Variants in CADM2 observed in about 807,000 individuals in gnomAD.
CADM2 encodes immunoglobulin superfamily member 4D.
In CADM2, 12 loss-of-function variants were observed where a neutral mutation model predicts 49.8. The observed-to-expected ratio is 0.24, with a 90% CI of 0.15 to 0.39. The LOEUF (loss-of-function observed/expected upper bound fraction) is 0.39, where lower values mean the gene tolerates loss of function less well. Among genes scored for constraint, CADM2 ranks in the 10% least tolerant of loss-of-function variants. The pLI is 1.00. For synonymous variants in CADM2, 214 were observed against 175.4 expected, an observed-to-expected ratio of 1.22 and a Z score of -1.74; for missense variants, 378 against 492.3, an observed-to-expected ratio of 0.77 and a Z score of 2.20.
chr3:85,095,683 C>T (rs775310014), intron 1 of CADM2, among the ~76,000 whole-genome samples: 4 of 152,074 alleles, frequency 2.6e-5, no homozygotes, highest in South Asian at 2.1e-4. Flanking sequence ...TTGGCCCAAA[C>T]ATTTTGTTTG....
chr3:85,671,127 T>G (rs771798082), intron 1 of CADM2, among the ~76,000 whole-genome samples: 1 of 152,192 alleles, frequency 6.6e-6, no homozygotes, highest in Non-Finnish European at 1.5e-5. Context: ...TGGAGGTAAA[T>G]AATGTTTCTC....
chr3:85,589,777 A>G (rs1559929344), intron 1 of CADM2, among the ~76,000 whole-genome samples: 1 of 152,062 alleles, frequency 6.6e-6, no homozygotes, highest in East Asian at 1.9e-4. Flanking sequence ...ATTACATAAA[A>G]TTTGGTGGAC....
intron 7 of CADM2, among the ~76,000 whole-genome samples, chr3:85,941,389 G>C (rs1000994638): frequency 3.9e-5 from 6 of 152,050 alleles, no homozygotes; most frequent in Non-Finnish European, 8.8e-5. Flanking sequence ...AGGACAGTGG[G>C]TCTGTATTTT....
chr3:85,361,137 A>T (rs1296010110), intron 1 of CADM2, among the ~76,000 whole-genome samples: 1 of 152,200 alleles, frequency 6.6e-6, no homozygotes, highest in Non-Finnish European at 1.5e-5. Context: ...ATAAACTTAG[A>T]CACATTAAAA....
chr3:85,926,389 A>G (rs1024083136), intron 6 of CADM2, among the ~76,000 whole-genome samples: 4 of 152,040 alleles, frequency 2.6e-5, no homozygotes, highest in Admixed American at 6.6e-5. Context: ...GACATTTTCA[A>G]ATATACTTAG....
At chr3:85,213,766 T>G (rs1490176773) in intron 1 of CADM2, among the ~76,000 whole-genome samples, 1 of 152,102 alleles carries the variant, frequency 6.6e-6, no homozygotes, top group Non-Finnish European at 1.5e-5. Flanking sequence ...TTTTTATACT[T>G]TTTTCCTTTG....
intron 1 of CADM2, among the ~76,000 whole-genome samples, chr3:85,392,868 C>T (rs1349725876): frequency 1.3e-5 from 2 of 152,018 alleles, no homozygotes; most frequent in Non-Finnish European, 2.9e-5. Context: ...TTCTCATCCA[C>T]ATGGAGGCCT....
chr3:85,440,301 G>A (rs540255690), intron 1 of CADM2, among the ~76,000 whole-genome samples: 29 of 152,186 alleles, frequency 1.9e-4, no homozygotes, highest in Non-Finnish European at 3.2e-4. Flanking sequence ...CACACCCCAC[G>A]TCATTCTTCA....
At chr3:85,577,112 T>C (rs2062653272) in intron 1 of CADM2, among the ~76,000 whole-genome samples, 1 of 152,174 alleles carries the variant, frequency 6.6e-6, no homozygotes, top group Non-Finnish European at 1.5e-5. Flanking sequence ...CTTTATCCGT[T>C]GATTCTCTAT....
intron 1 of CADM2, among the ~76,000 whole-genome samples, chr3:85,694,622 ATATT>A (rs1416933270): frequency 1.3e-5 from 2 of 152,228 alleles, no homozygotes; most frequent in Non-Finnish European, 2.9e-5. Flanking sequence ...CAATTTATAA[ATATT>A]TATTCATACT....
At chr3:86,061,275 C>G (rs2107396918) in intron 8 of CADM2, among the ~76,000 whole-genome samples, 1 of 151,878 alleles carries the variant, frequency 6.6e-6, no homozygotes, top group South Asian at 2.1e-4. Flanking sequence ...TTTTTCTGAA[C>G]TTGATAGGGG....
chr3:85,157,972 A>G (rs567179712), intron 1 of CADM2, among the ~76,000 whole-genome samples: 2 of 152,144 alleles, frequency 1.3e-5, no homozygotes, highest in Non-Finnish European at 2.9e-5. Context: ...AGAATCTACA[A>G]TGAACTCAAA....
intron 1 of CADM2, among the ~76,000 whole-genome samples, chr3:85,184,586 T>TA: frequency 6.6e-6 from 1 of 152,194 alleles, no homozygotes; most frequent in South Asian, 2.1e-4. Context: ...GGAAAATATA[T>TA]TTTAAAAGGA....
At chr3:85,837,805 A>G (rs997395352) in intron 3 of CADM2, among the ~76,000 whole-genome samples, 1 of 151,796 alleles carries the variant, frequency 6.6e-6, no homozygotes, top group Non-Finnish European at 1.5e-5. Context: ...CCACTGTAAG[A>G]TAAAAATTAT....
At chr3:85,267,390 C>T (rs1402062332) in intron 1 of CADM2, among the ~76,000 whole-genome samples, 1 of 151,598 alleles carries the variant, frequency 6.6e-6, no homozygotes, top group Non-Finnish European at 1.5e-5. Context: ...CCTCTCTCTT[C>T]CATAAAATCT....
intron 1 of CADM2, among the ~76,000 whole-genome samples, chr3:85,486,926 T>C (rs1424118208): frequency 2.7e-5 from 4 of 147,948 alleles, no homozygotes; most frequent in Non-Finnish European, 6.0e-5. Flanking sequence ...ATATAGAATG[T>C]AAGCACTTTT....
intron 5 of CADM2, among the ~76,000 whole-genome samples, chr3:85,907,907 T>C (rs1015783103): frequency 1.6e-4 from 24 of 147,296 alleles, no homozygotes; most frequent in African/African-American, 5.8e-4. Context: ...TGAGACTCTG[T>C]CTCAAAAAAA....
At chr3:85,544,563 A>G (rs1209032786) in intron 1 of CADM2, among the ~76,000 whole-genome samples, 3 of 152,102 alleles carry the variant, frequency 2.0e-5, no homozygotes, top group Non-Finnish European at 4.4e-5. Context: ...GGCGACAGAT[A>G]AAGACTCCGT....
At chr3:85,566,265 T>A (rs1201716913) in intron 1 of CADM2, among the ~76,000 whole-genome samples, 1 of 152,146 alleles carries the variant, frequency 6.6e-6, no homozygotes, top group Non-Finnish European at 1.5e-5. Flanking sequence ...ATACATTCCT[T>A]TCTAGAAAAC....
Sources: allele counts gnomAD v4.1 joint callset (sites outside exome capture counted in the v4.1 genomes callset), GRCh38; gene constraint gnomAD v4.1.1; transcripts MANE v1.5; gene names NCBI Gene and HGNC (gene_info 2026-07-23, HGNC 2026-07-21).